The following SEMA6D variants were observed in gnomAD, a reference collection of about 807,000 sequenced individuals.
SEMA6D encodes the protein semaphorin-6D.
In SEMA6D, 35 loss-of-function variants were observed where a neutral mutation model predicts 106.6. That is an observed-to-expected ratio of 0.33 (90% CI 0.25 to 0.44). The LOEUF (loss-of-function observed/expected upper bound fraction) is 0.44, where lower values mean the gene tolerates loss of function less well. Among genes scored for constraint, SEMA6D ranks in the 20% least tolerant of loss-of-function variants. The pLI is 1.00. For synonymous variants in SEMA6D, 499 were observed against 487.7 expected, an observed-to-expected ratio of 1.02 and a Z score of -0.31; for missense variants, 1,185 against 1,345.9, an observed-to-expected ratio of 0.88 and a Z score of 1.87.
chr15:47,503,166 T>G (rs2043911958), intron 3 of SEMA6D, among the ~76,000 whole-genome samples: 1 of 152,240 alleles, frequency 6.6e-6, no homozygotes, highest in Admixed American at 6.5e-5. Flanking sequence ...CCTTTAGTGA[T>G]ATATTGTGAT....
chr15:47,387,158 A>T (rs1312927912), intron 1 of SEMA6D, among the ~76,000 whole-genome samples: 1 of 152,246 alleles, frequency 6.6e-6, no homozygotes, highest in Non-Finnish European at 1.5e-5. Flanking sequence ...CTTTGTGAAG[A>T]GTAACCCAGA....
chr15:47,332,388 G>C (rs149004952), intron 1 of SEMA6D, among the ~76,000 whole-genome samples: 6 of 152,158 alleles, frequency 3.9e-5, no homozygotes, highest in African/African-American at 1.4e-4. Flanking sequence ...CAGTGAGTCC[G>C]TGAAAGAAAG....
intron 3 of SEMA6D, among the ~76,000 whole-genome samples, chr15:47,512,079 C>T (rs2044251353): frequency 1.3e-5 from 2 of 152,164 alleles, no homozygotes; most frequent in African/African-American, 4.8e-5. Flanking sequence ...TTTTAGTCAA[C>T]ATCCGCACAC....
chr15:47,322,028 G>A (rs2036942250), intron 1 of SEMA6D, among the ~76,000 whole-genome samples: 1 of 152,172 alleles, frequency 6.6e-6, no homozygotes, highest in South Asian at 2.1e-4. Context: ...ATAGAAAACT[G>A]TATTTGAAGA....
intron 4 of SEMA6D, among the ~76,000 whole-genome samples, chr15:47,610,606 A>G (rs1016831743): frequency 2.0e-5 from 3 of 152,180 alleles, no homozygotes; most frequent in African/African-American, 4.8e-5. Context: ...TTTTGAAGAA[A>G]TCACTTTCAT....
chr15:47,553,902 C>G (rs978690743), intron 3 of SEMA6D, among the ~76,000 whole-genome samples: 2 of 152,164 alleles, frequency 1.3e-5, no homozygotes, highest in African/African-American at 2.4e-5. Flanking sequence ...AAGAGCAATG[C>G]ATTGCAGGTG....
chr15:47,258,738 C>T (rs753506415), intron 1 of SEMA6D, among the ~76,000 whole-genome samples: 20 of 152,168 alleles, frequency 1.3e-4, no homozygotes, highest in East Asian at 5.8e-4. Flanking sequence ...TTCTCTGCTC[C>T]GTAATTGTGT....
At chr15:47,609,039 A>G (rs1406732024) in intron 4 of SEMA6D, among the ~76,000 whole-genome samples, 1 of 152,204 alleles carries the variant, frequency 6.6e-6, no homozygotes, top group African/African-American at 2.4e-5. Context: ...TCCTATATTC[A>G]TTGAACTTAC....
At chr15:47,282,887 A>C (rs62015688) in intron 1 of SEMA6D, among the ~76,000 whole-genome samples, 1,824 of 152,166 alleles carry the variant, frequency 0.012, 33 homozygotes, top group Admixed American at 0.013. Flanking sequence ...TATGCTTTTT[A>C]TGTGACCTAT....
intron 1 of SEMA6D, among the ~76,000 whole-genome samples, chr15:47,723,552 A>G (rs1469839730): frequency 2.0e-5 from 3 of 152,190 alleles, no homozygotes; most frequent in Non-Finnish European, 4.4e-5. Context: ...ACCAGTATGG[A>G]AAGTGTATTA....
intron 3 of SEMA6D, among the ~76,000 whole-genome samples, chr15:47,526,643 C>G (rs1412201000): frequency 6.6e-6 from 1 of 152,162 alleles, no homozygotes; most frequent in Non-Finnish European, 1.5e-5. Context: ...GCTTTTCTCC[C>G]CTGCCAGAAA....
At chr15:47,676,234 T>C (rs1596600977) in intron 4 of SEMA6D, among the ~76,000 whole-genome samples, 1 of 152,336 alleles carries the variant, frequency 6.6e-6, no homozygotes, top group East Asian at 1.9e-4. Flanking sequence ...CAACATTAAA[T>C]GTGAAGTATG....
intron 1 of SEMA6D, among the ~76,000 whole-genome samples, chr15:47,194,440 G>A (rs1024154433): frequency 6.6e-6 from 1 of 152,054 alleles, no homozygotes; most frequent in African/African-American, 2.4e-5. Context: ...CAGACCTATG[G>A]GAAATTGCGT....
intron 1 of SEMA6D, among the ~76,000 whole-genome samples, chr15:47,229,766 A>T (rs1300548179): frequency 6.6e-6 from 1 of 152,068 alleles, no homozygotes; most frequent in Non-Finnish European, 1.5e-5. Context: ...TTGAAGTCTG[A>T]CCATCCTTTA....
chr15:47,452,246 A>G (rs747816349), intron 2 of SEMA6D, among the ~76,000 whole-genome samples: 1 of 151,720 alleles, frequency 6.6e-6, no homozygotes, highest in Non-Finnish European at 1.5e-5. Flanking sequence ...GGAGCTCTTC[A>G]GTGTCCATTC....
chr15:47,223,354 T>C (rs1595764748), intron 1 of SEMA6D, among the ~76,000 whole-genome samples: 2 of 152,262 alleles, frequency 1.3e-5, no homozygotes, highest in Middle Eastern at 3.4e-3. Context: ...TTTCTCTGTT[T>C]TAAACCTGTA....
chr15:47,435,523 C>T (rs573992849), intron 2 of SEMA6D, among the ~76,000 whole-genome samples: 4 of 152,148 alleles, frequency 2.6e-5, no homozygotes, highest in Admixed American at 6.6e-5. Context: ...AGTTGAGCCA[C>T]GTTCACCATT....
chr15:47,307,647 C>T (rs760216664), intron 1 of SEMA6D, among the ~76,000 whole-genome samples: 24 of 152,078 alleles, frequency 1.6e-4, no homozygotes, highest in Non-Finnish European at 2.9e-4. Flanking sequence ...TCACTAGGAG[C>T]AGTGTTCATT....
chr15:47,492,284 G>T (rs2043499457), intron 3 of SEMA6D, among the ~76,000 whole-genome samples: 1 of 152,106 alleles, frequency 6.6e-6, no homozygotes, highest in East Asian at 1.9e-4. Flanking sequence ...AAAGAACAGA[G>T]ATGTTTTCCA....
Sources: gnomAD v4.1 joint callset for allele counts (sites outside exome capture counted in the v4.1 genomes callset) on GRCh38, gnomAD v4.1.1 for gene constraint, MANE v1.5 for transcripts, NCBI Gene and HGNC (gene_info 2026-07-23, HGNC 2026-07-21) for gene names.